GSE1: variants seen among roughly 807,000 people sequenced by gnomAD.
GSE1 encodes genetic suppressor element 1.
Under a neutral mutation model 112.6 loss-of-function variants are expected in GSE1, and 32 were observed. The observed-to-expected ratio is 0.28, with a 90% CI of 0.21 to 0.38. The LOEUF is 0.38. Ranked by LOEUF, GSE1 falls within the 10% of genes least tolerant of loss-of-function variation. The probability of loss-of-function intolerance (pLI) is 1.00; values close to 1 mark genes in which losing one functional copy is unlikely to be tolerated. For synonymous variants in GSE1, 1,115 were observed against 735.6 expected, an observed-to-expected ratio of 1.52 and a Z score of -8.35; for missense variants, 2,348 against 1,699.2, an observed-to-expected ratio of 1.38 and a Z score of -6.71.
chr16:85,656,605 C>T lies in GSE1; in HGVS notation c.1252C>T (p.Arg418Cys), dbSNP rs570552064. The change falls in exon 7 of 16, where the codon CGT (arginine) becomes TGT (cysteine). Residue 418 changes from arginine (R) to cysteine (C), a missense_variant. Arg to Cys is a radical substitution (Grantham distance 180). Coordinates refer to ENST00000253458, the MANE Select transcript of GSE1 (RefSeq NM_014615.5). Reference sequence around the variant, plus strand: ...GCCCGTGGCCGAGCTGCATGGGCTGCGTGGCCATGCCACTGAGGAGCGGGG... The same window carrying T: ...GCCCGTGGCCGAGCTGCATGGGCTGTGTGGCCATGCCACTGAGGAGCGGGG... ...FLPVAELHGL[R>C]GHATEERGKP... 34 of 1,545,734 alleles carry T rather than the reference C, an allele frequency of 2.2e-5. No individual in the cohort carries two copies. The highest frequency in any genetic ancestry group is 1.4e-4 in the South Asian group (12 of 83,860).
intron 12 of GSE1, 94 bp from the exon 13 acceptor site, chr16:85,665,882 T>C: frequency 8.2e-7 from 1 of 1,217,452 alleles, no homozygotes; most frequent in Admixed American, 1.8e-5. Flanking sequence ...AGGTCTTTGT[T>C]AAGTGTAAGC....
chr16:85,639,709 GC>G (rs1243989776), intron 2 of GSE1, among the ~76,000 whole-genome samples: 2 of 152,238 alleles, frequency 1.3e-5, no homozygotes, highest in African/African-American at 4.8e-5. Context: ...TGTCGGGCCT[GC>G]CCAGTGTCTC....
intron 2 of GSE1, among the ~76,000 whole-genome samples, chr16:85,532,565 C>G (rs540530541): frequency 4.6e-5 from 7 of 152,152 alleles, no homozygotes; most frequent in Non-Finnish European, 5.9e-5. Context: ...TCTGGCCTAG[C>G]GCTGGGGACC....
intron 2 of GSE1, among the ~76,000 whole-genome samples, chr16:85,526,511 C>T (rs921467238): frequency 6.6e-6 from 1 of 152,226 alleles, no homozygotes; most frequent in Non-Finnish European, 1.5e-5. Context: ...GGTGGATCTT[C>T]AAAGGCAGCG....
At chr16:85,262,251 C>A (rs1481402112) in intron 1 of GSE1, among the ~76,000 whole-genome samples, 1 of 152,242 alleles carries the variant, frequency 6.6e-6, no homozygotes, top group African/African-American at 2.4e-5. Context: ...CAATCTGCTT[C>A]CTTCTGCCTC....
chr16:85,602,428 G>A (rs1318070892), intron 1 of GSE1, among the ~76,000 whole-genome samples: 1 of 152,210 alleles, frequency 6.6e-6, no homozygotes, highest in Non-Finnish European at 1.5e-5. Flanking sequence ...CTTCTTGGGG[G>A]CTAATGGAGA....
chr16:85,227,884 C>A (rs1183291776), intron 1 of GSE1, among the ~76,000 whole-genome samples: 2 of 152,222 alleles, frequency 1.3e-5, no homozygotes, highest in Non-Finnish European at 2.9e-5. Context: ...GAGGGCCCTA[C>A]CTTCACGGGG....
intron 1 of GSE1, chr16:85,283,225 C>G (rs1461064249): frequency 6.5e-6 from 1 of 152,936 alleles, no homozygotes; most frequent in Non-Finnish European, 1.5e-5. Context: ...ACACAGGTTC[C>G]TGCCCTCTTC....
At chr16:85,653,096 C>A (rs866581593) in intron 3 of GSE1, among the ~76,000 whole-genome samples, 2 of 149,008 alleles carry the variant, frequency 1.3e-5, no homozygotes, top group South Asian at 4.3e-4. Flanking sequence ...GGGCTGAGAA[C>A]GGCTGCCCCA....
chr16:85,207,006 G>A (rs1046859128), intron 1 of GSE1, among the ~76,000 whole-genome samples: 5 of 152,162 alleles, frequency 3.3e-5, no homozygotes, highest in African/African-American at 9.7e-5. Context: ...GGCTGGCCTC[G>A]CAGTGACATG....
chr16:85,476,315 C>T (rs2050454116), intron 2 of GSE1, among the ~76,000 whole-genome samples: 1 of 152,150 alleles, frequency 6.6e-6, no homozygotes, highest in Non-Finnish European at 1.5e-5. Flanking sequence ...GGTGGGAGTT[C>T]CTGTGGCAAC....
At chr16:85,612,118 G>A (rs981734986), upstream of GSE1, among the ~76,000 whole-genome samples, 1 of 151,968 alleles carries the variant, frequency 6.6e-6, no homozygotes, top group Non-Finnish European at 1.5e-5. Context: ...GGGCCTCAGA[G>A]CCGCCCGGGG....
At chr16:85,506,131 G>A (rs2051528007) in intron 2 of GSE1, among the ~76,000 whole-genome samples, 1 of 152,154 alleles carries the variant, frequency 6.6e-6, no homozygotes, top group East Asian at 1.9e-4. Context: ...GTGCAGTTGT[G>A]CAGCAGAGCT....
At chr16:85,508,818 G>A (rs2051631945) in intron 2 of GSE1, among the ~76,000 whole-genome samples, 1 of 152,224 alleles carries the variant, frequency 6.6e-6, no homozygotes, top group African/African-American at 2.4e-5. Context: ...TCACATCCAG[G>A]AGAAAGGTTC....
In GSE1 at chr16:85,368,244, T is replaced by C. The variant is rs116533242; in HGVS notation, c.2464+10601T>C. On this transcript the variant is annotated intron_variant, in intron 2 of 2. Coordinates refer to the GSE1 transcript ENST00000637419. Reference sequence around the variant, plus strand: ...AGGTTCTTACTGCATTCCAGAAGCTTCATTCTCTCTCCAGGACCCAGGGTG... The same window carrying C: ...AGGTTCTTACTGCATTCCAGAAGCTCCATTCTCTCTCCAGGACCCAGGGTG... 7.0e-3 allele frequency among the ~76,000 whole-genome samples: 1,067 copies of C among 152,250 alleles called. 13 individuals are homozygous for C. The highest frequency in any genetic ancestry group is 0.024 in the African/African-American group (1,006 of 41,536).
intron 1 of GSE1, among the ~76,000 whole-genome samples, chr16:85,626,123 G>C (rs1202507131): frequency 6.6e-6 from 1 of 152,046 alleles, no homozygotes; most frequent in Non-Finnish European, 1.5e-5. Flanking sequence ...GCAGCCTGGG[G>C]GGGTGTTTTT....
At chr16:85,430,172 C>T (rs147260687) in intron 2 of GSE1, among the ~76,000 whole-genome samples, 55 of 152,288 alleles carry the variant, frequency 3.6e-4, no homozygotes, top group Non-Finnish European at 6.6e-4. Context: ...GAACGTTGCC[C>T]GTGAGCACAT....
intron 1 of GSE1, among the ~76,000 whole-genome samples, chr16:85,572,378 C>T (rs2046034306): frequency 6.7e-6 from 1 of 149,062 alleles, no homozygotes; most frequent in Non-Finnish European, 1.5e-5. Flanking sequence ...CCACACACAC[C>T]ACATACCCCC....
At chr16:85,357,928 T>C (rs531488253) in intron 2 of GSE1, among the ~76,000 whole-genome samples, 3 of 152,290 alleles carry the variant, frequency 2.0e-5, no homozygotes, top group East Asian at 3.9e-4. Context: ...ATACACTCTC[T>C]TGTCTTCATT....
Sources: gnomAD v4.1 joint callset for allele counts (sites outside exome capture counted in the v4.1 genomes callset) on GRCh38, gnomAD v4.1.1 for gene constraint, MANE v1.5 for transcripts, NCBI Gene and HGNC (gene_info 2026-07-23, HGNC 2026-07-21) for gene names.